HLA-DMB: variants seen among roughly 807,000 people sequenced by gnomAD.
HLA-DMB encodes the protein HLA class II histocompatibility antigen, DM beta chain.
A neutral mutation model predicts 29.3 loss-of-function variants in HLA-DMB; 18 were observed. The ratio of observed to expected loss-of-function variants is 0.62; its 90% confidence interval spans 0.43 to 0.91. HLA-DMB has a LOEUF of 0.91. HLA-DMB is among the 40% of genes least tolerant of loss of function. The pLI is 0.00. For missense variants in HLA-DMB, 258 were observed against 320.9 expected (o/e 0.80, Z 1.50); for synonymous variants, 143 against 128.7 (o/e 1.11, Z -0.75).
intron 1 of HLA-DMB, among the ~76,000 whole-genome samples, chr6:32,939,536 A>G (rs1776223249): frequency 6.6e-6 from 1 of 152,164 alleles, no homozygotes; most frequent in Non-Finnish European, 1.5e-5. Context: ...AAGGATGCAA[A>G]ATTATGATCT....
intron 5 of HLA-DMB, 117 bp from the exon 6 acceptor site, chr6:32,935,104 AACT>A: frequency 8.5e-7 from 1 of 1,179,516 alleles, no homozygotes; most frequent in Admixed American, 1.9e-5. Flanking sequence ...GGGCACCAAC[AACT>A]AATACAAAGG....
In HLA-DMB at chr6:32,940,740, G is replaced by T. The variant is rs1776307983; in HGVS notation, c.55+13C>A. The T allele has an allele frequency of 3.1e-6, 5 of 1,601,422 alleles. No individual in the cohort carries two copies. The highest frequency in any genetic ancestry group is 1.1e-5 in the South Asian group (1 of 89,102). On this transcript the variant is annotated intron_variant, in intron 1 of 5. Transcript: ENST00000418107. ...GCAGGGGAAGGGAGAGTCCCCAGAAGAAGTGTCCTTACCTGCTCCTGTGCA... is the reference window on the plus strand; with the variant it reads ...GCAGGGGAAGGGAGAGTCCCCAGAATAAGTGTCCTTACCTGCTCCTGTGCA...
intron 3 of HLA-DMB, chr6:32,936,028 T>C: frequency 4.2e-6 from 1 of 236,606 alleles, no homozygotes; most frequent in South Asian, 7.9e-5. Context: ...CTTCCTTACT[T>C]TCTCCAACTG....
intron 5 of HLA-DMB, 73 bp from the exon 6 acceptor site, chr6:32,935,060 C>T (rs566177651): frequency 5.5e-4 from 853 of 1,546,288 alleles, no homozygotes; most frequent in Non-Finnish European, 7.3e-4. Flanking sequence ...CTGTAACCAT[C>T]CCATGCCTTA....
In HLA-DMB at chr6:32,935,536, T is replaced by TAG; in HGVS notation, c.737_738dup (p.Ser247LeufsTer70). ...GATGGGAGTTCAGCGAGTCACTCAC[T>TAG]AGAGTGGCCAGCTCTCCGCCAGCTG... is the stretch of plus-strand genomic sequence containing the variant. On this transcript the variant is annotated frameshift_variant and splice_region_variant, in exon 4 of 6. Transcript: ENST00000418107. LOFTEE classifies it high-confidence loss of function. 1 of 1,609,928 alleles carries TAG rather than the reference T, an allele frequency of 6.2e-7. No homozygotes were observed.
intron 1 of HLA-DMB, among the ~76,000 whole-genome samples, chr6:32,940,126 A>G (rs1331307401): frequency 6.6e-6 from 1 of 151,988 alleles, no homozygotes; most frequent in Non-Finnish European, 1.5e-5. Flanking sequence ...GATTTTTCCT[A>G]TATTCAGCTC....
intron 5 of HLA-DMB, 147 bp downstream of exon 5, chr6:32,935,195 C>T (rs1348898538): frequency 1.3e-5 from 11 of 833,932 alleles, no homozygotes; most frequent in Non-Finnish European, 2.0e-5. Context: ...TTAATCCTAG[C>T]AATGGCAGCT....
At position 32,934,710 on chromosome 6, in the gene HLA-DMB, G is replaced by A; in HGVS notation, c.*261C>T. On this transcript the variant is annotated 3_prime_UTR_variant, in exon 6 of 6. Transcript: ENST00000418107. ...ATGGCACACTGAGAGCCCCAGGAGG[G>A]TCTTTAACTCCCTTCCTCAGATTAT... 1 of 552,204 alleles carries A rather than the reference G, an allele frequency of 1.8e-6. No individual in the cohort carries two copies. The highest frequency in any genetic ancestry group is 2.4e-5 in the South Asian group (1 of 41,592). 34.2% of individuals were successfully genotyped at this position (552,204 alleles called of 1,614,324 possible).
chr6:32,940,958 C>T lies in HLA-DMB; in HGVS notation c.-151G>A. 1 of 576,828 alleles carries T rather than the reference C, an allele frequency of 1.7e-6. No homozygotes were observed. Among genetic ancestry groups the T allele is most frequent in the African/African-American group, 1.8e-5 (1 of 54,140 alleles). The allele number at this position is 576,828 out of a possible 1,614,324, so 35.7% of individuals were successfully genotyped here. A position where few individuals can be genotyped will look rare whatever the true frequency, so the allele number is the denominator to read the frequency against. ...ATATTGCCCGGGTCCCTTGACCCCC[C>T]AAATGAGTGATGTGGGGATACCCAG... On this transcript the variant is annotated 5_prime_UTR_variant, in exon 1 of 6. Transcript: ENST00000418107.
In HLA-DMB at chr6:32,934,934, CCTT is replaced by C. The variant is rs1179184427; in HGVS notation, c.*34_*36del. The C allele has an allele frequency of 2.5e-6, 4 of 1,602,734 alleles. No individual in the cohort carries two copies. Among genetic ancestry groups the C allele is most frequent in the South Asian group, 1.1e-5 (1 of 90,814 alleles). On this transcript the variant is annotated 3_prime_UTR_variant, in exon 6 of 6. Coordinates refer to ENST00000418107, the MANE Select transcript of HLA-DMB (RefSeq NM_002118.5). The stretch of plus-strand genomic sequence containing the variant: ...TGGTAGCATCATTGAGTTTGAATCT[CCTT>C]CTCACTTGGAGTGGAAGTTGTAGGA...
rs916346407 is a variant in HLA-DMB, at chr6:32,937,492, G to T, written c.338-36C>A. ...GAAAAAAACATGTTTAGGAAGGAGG[G>T]TGACATTCTGGCTGCTTCCTCAACC... is the stretch of plus-strand genomic sequence containing the variant. On this transcript the variant is annotated intron_variant, in intron 2 of 5. Transcript: ENST00000418107. The surrounding 1 kb of genome is among the most constrained non-coding windows in gnomAD (Gnocchi z 4.1). The T allele has an allele frequency of 1.4e-6, 2 of 1,456,384 alleles. No individual in the cohort carries two copies. Among genetic ancestry groups the T allele is most frequent in the Admixed American group, 1.8e-5 (1 of 56,356 alleles). The allele number at this position is 1,456,384 out of a possible 1,614,324, so 90.2% of individuals were successfully genotyped here.
At chr6:32,935,045 T>C in intron 5 of HLA-DMB, 58 bp from the exon 6 acceptor site, 21 of 1,598,798 alleles carry the variant, frequency 1.3e-5, no homozygotes, top group Non-Finnish European at 1.8e-5. Flanking sequence ...CCCCATCGTT[T>C]GTCACTGTAA....
intron 5 of HLA-DMB, 116 bp from the exon 6 acceptor site, chr6:32,935,103 C>T: frequency 8.4e-7 from 1 of 1,184,696 alleles, no homozygotes; most frequent in East Asian, 2.5e-5. Flanking sequence ...AGGGCACCAA[C>T]AACTAATACA....
chr6:32,940,467 A>T (rs1776288072), intron 1 of HLA-DMB, among the ~76,000 whole-genome samples: 1 of 152,180 alleles, frequency 6.6e-6, no homozygotes, highest in South Asian at 2.1e-4. Flanking sequence ...CACTTCGCAC[A>T]TATTTATGAA....
At chr6:32,940,245 G>A (rs1776274261) in intron 1 of HLA-DMB, among the ~76,000 whole-genome samples, 1 of 152,066 alleles carries the variant, frequency 6.6e-6, no homozygotes, top group Non-Finnish European at 1.5e-5. Context: ...TGATTTGAGG[G>A]AGTCAGTAGA....
At chr6:32,935,964 A>G in intron 3 of HLA-DMB, 1 of 401,914 alleles carries the variant, frequency 2.5e-6, no homozygotes, top group Non-Finnish European at 4.5e-6. Context: ...CACCCTTATC[A>G]GGATAAAGGG....
At chr6:32,935,419 G>T in intron 4 of HLA-DMB, 42 bp from the exon 5 acceptor site, 1 of 1,556,592 alleles carries the variant, frequency 6.4e-7, no homozygotes, top group Non-Finnish European at 8.9e-7. Flanking sequence ...CTTTGTGGAT[G>T]AAAATATCTA....
chr6:32,935,649 G>C lies in HLA-DMB; in HGVS notation c.626C>G (p.Pro209Arg). Residue 209 changes from proline to arginine, a missense_variant, in exon 4 of 6, where the codon CCT becomes CGT. Physicochemically the swap from Pro to Arg is moderately radical, Grantham distance 103. Transcript: ENST00000418107. ...CAGGGTCTGCATGGGGGACAGCCCA[G>C]GTGCTGCAAAAAATAGAAACTTACT... ...APEPILRDWT[P>R]GLSPMQTLKV... 1.7e-5 allele frequency: 28 copies of C among 1,610,824 alleles called. No homozygotes were observed. Among genetic ancestry groups the C allele is most frequent in the Non-Finnish European group, 2.4e-5 (28 of 1,178,576 alleles).
chr6:32,939,714 C>T (rs1043821608), intron 1 of HLA-DMB, among the ~76,000 whole-genome samples: 3 of 151,972 alleles, frequency 2.0e-5, no homozygotes, highest in Non-Finnish European at 2.9e-5. Context: ...CATTATCCAC[C>T]CCATGAATAT....
Sources: gnomAD v4.1 joint callset for allele counts (sites outside exome capture counted in the v4.1 genomes callset) on GRCh38, gnomAD v4.1.1 for gene constraint, Gnocchi (gnomAD v3.1) non-coding constraint, MANE v1.5 for transcripts, NCBI Gene and HGNC (gene_info 2026-07-23, HGNC 2026-07-21) for gene names.